The following KDM5A variants were observed in gnomAD, a reference collection of about 807,000 sequenced individuals.
The protein encoded by KDM5A is lysine-specific demethylase 5A.
KDM5A carries 42 observed loss-of-function variants against 193.5 expected under a neutral mutation model. The observed-to-expected ratio is 0.22, with a 90% CI of 0.17 to 0.28. The LOEUF (loss-of-function observed/expected upper bound fraction) is 0.28, where lower values mean the gene tolerates loss of function less well. KDM5A is among the 10% of genes least tolerant of loss of function. The probability of loss-of-function intolerance (pLI) is 1.00; values close to 1 mark genes in which losing one functional copy is unlikely to be tolerated. For missense variants in KDM5A, 1,692 were observed against 2,055.1 expected, an observed-to-expected ratio of 0.82 and a Z score of 3.42; for synonymous variants, 796 against 718.1, an observed-to-expected ratio of 1.11 and a Z score of -1.73.
chr12:384,069 C>T lies in KDM5A; in HGVS notation c.328G>A (p.Val110Ile), dbSNP rs1944610497. 1 of 1,613,642 alleles carries T rather than the reference C, an allele frequency of 6.2e-7. No homozygotes were observed. The highest frequency in any genetic ancestry group is 8.5e-7 in the Non-Finnish European group (1 of 1,179,546). The change falls in exon 3 of 28, where the codon GTA (valine) becomes ATA (isoleucine). Residue 110 changes from valine (V) to isoleucine (I), a missense_variant. Val to Ile is a conservative substitution (Grantham distance 29, BLOSUM62 3). Transcript: ENST00000399788. ...LQGSTLKIPV[V>I]ERKILDLYAL... ...TACAGATCCAGGATTTTTCTCTCTA[C>T]CACAGGGATCTTCAGAGTAGATCCT...
At position 339,866 on chromosome 12, in the gene KDM5A, A is replaced by G. The variant is rs1048736314; in HGVS notation, c.1309-5444T>C. Among the ~76,000 whole-genome samples, 73 of 149,540 alleles carry G rather than the reference A, an allele frequency of 4.9e-4. 1 individual carries two copies. The highest frequency in any genetic ancestry group is 1.6e-3 in the African/African-American group (66 of 40,494). ...AACCAATAAGATATTGCAGATATTA[A>G]GAAGTCTGATTTTTTTTTTTTTTTT... On this transcript the variant is annotated intron_variant, in intron 10 of 27. Transcript: ENST00000399788.
At position 334,360 on chromosome 12, in the gene KDM5A, T is replaced by C. The variant is rs774094806; in HGVS notation, c.1371A>G (p.Ala457=). 6.2e-7 allele frequency: 1 copy of C among 1,614,000 alleles called. No individual in the cohort carries two copies. The highest frequency in any genetic ancestry group is 1.1e-5 in the South Asian group (1 of 91,086). ...NMPVLEQSVL[A]HINVDISGMK... The stretch of plus-strand genomic sequence containing the variant: ...TACCAGAGATGTCCACATTAATATG[T>C]GCAAGAACAGACTGTTCCAGGACAG... Residue 457 remains alanine, a synonymous_variant, in exon 11 of 28, where the codon GCA becomes GCG. Coordinates refer to ENST00000399788, the MANE Select transcript of KDM5A (RefSeq NM_001042603.3).
intron 10 of KDM5A, among the ~76,000 whole-genome samples, chr12:335,097 G>C (rs1379809675): frequency 1.3e-5 from 2 of 152,090 alleles, no homozygotes; most frequent in African/African-American, 4.8e-5. Context: ...TAGAAATACT[G>C]GATAAATTAT....
intron 2 of KDM5A, among the ~76,000 whole-genome samples, chr12:384,784 TTC>T (rs1334094284): frequency 1.3e-5 from 2 of 152,224 alleles, no homozygotes; most frequent in Middle Eastern, 3.2e-3. Context: ...GTCTCTAACG[TTC>T]TGTCATTTCA....
At chr12:337,532 T>A (rs890248239) in intron 10 of KDM5A, among the ~76,000 whole-genome samples, 2 of 152,038 alleles carry the variant, frequency 1.3e-5, no homozygotes, top group African/African-American at 2.4e-5. Context: ...AAAGATGAGA[T>A]CTTTAATCTT....
rs200902311 is a variant in KDM5A at position 355,175 on chromosome 12, T to A, written c.853A>T (p.Thr285Ser). ...FNMQMRQRKG[T>S]LSVNFVDLYV... ...ACACTTACAAAGTTAACAGAGAGAG[T>A]GCCTTTCCGTTGTCTCATTTGCATG... is the stretch of plus-strand genomic sequence containing the variant. The change falls in exon 7 of 28, where the codon ACT becomes TCT. Residue 285 changes from threonine to serine, a missense_variant. Around this residue, in one of 11 missense-constraint regions of KDM5A, gnomAD observed 134 missense variants for 124.2 expected, o/e 1.08. Transcript: ENST00000399788. The A allele has an allele frequency of 3.7e-6, 6 of 1,605,112 alleles. No homozygotes were observed. The highest frequency in any genetic ancestry group is 5.1e-6 in the Non-Finnish European group (6 of 1,171,870).
At chr12:343,570 A>C (rs896062587) in intron 10 of KDM5A, among the ~76,000 whole-genome samples, 1 of 152,188 alleles carries the variant, frequency 6.6e-6, no homozygotes, top group Non-Finnish European at 1.5e-5. Flanking sequence ...AGGAAGCATC[A>C]AGCAGCAATA....
At position 280,157 on chromosome 12, in the gene KDM5A, T is replaced by G. The variant is rs1243279036; in HGVS notation, c.*5299A>C. On this transcript the variant is annotated 3_prime_UTR_variant, in exon 28 of 28. Transcript: ENST00000399788. ...AGAGAGTGAAATTCCAAAATCACTCTAGTTTATTCACATAATATAGTATTT... is the reference window on the plus strand; with the variant it reads ...AGAGAGTGAAATTCCAAAATCACTCGAGTTTATTCACATAATATAGTATTT... 1.7e-5 allele frequency: 4 copies of G among 231,898 alleles called. No individual in the cohort carries two copies. Among genetic ancestry groups the G allele is most frequent in the Non-Finnish European group, 3.4e-5 (4 of 117,270 alleles). 14.4% of individuals were successfully genotyped at this position (231,898 alleles called of 1,614,324 possible).
chr12:361,318 C>A (rs1471262156), intron 5 of KDM5A, among the ~76,000 whole-genome samples: 1 of 152,034 alleles, frequency 6.6e-6, no homozygotes. Context: ...CCTTAGCCTC[C>A]CGAGTAGCTG....
intron 10 of KDM5A, among the ~76,000 whole-genome samples, chr12:338,358 G>A (rs769442646): frequency 1.3e-5 from 2 of 152,100 alleles, no homozygotes; most frequent in African/African-American, 2.4e-5. Flanking sequence ...AACAGCCTTC[G>A]GCACTGAGTA....
intron 3 of KDM5A, among the ~76,000 whole-genome samples, chr12:378,655 G>T (rs988592046): frequency 9.9e-5 from 15 of 152,134 alleles, no homozygotes; most frequent in Non-Finnish European, 2.2e-4. Flanking sequence ...TGCTGAAGTG[G>T]TTATAAAAAC....
intron 3 of KDM5A, among the ~76,000 whole-genome samples, chr12:375,423 C>T (rs1320839471): frequency 1.3e-5 from 2 of 152,168 alleles, no homozygotes; most frequent in Non-Finnish European, 2.9e-5. Flanking sequence ...TTTTCAGCTC[C>T]ATCAGGTCAT....
At chr12:363,212 T>G in intron 4 of KDM5A, 115 bp from the exon 5 acceptor site, 1 of 1,222,152 alleles carries the variant, frequency 8.2e-7, no homozygotes, top group South Asian at 1.3e-5. Context: ...CGCAATTATT[T>G]CTCAAACTGA....
chr12:330,085 G>GTGTA (rs377271333), intron 13 of KDM5A, among the ~76,000 whole-genome samples: 127 of 139,372 alleles, frequency 9.1e-4, no homozygotes, highest in Middle Eastern at 3.6e-3. Flanking sequence ...GTGTGTGTGT[G>GTGTA]TATATATATA....
At chr12:320,683 T>G (rs996731011) in intron 18 of KDM5A, among the ~76,000 whole-genome samples, 8 of 152,212 alleles carry the variant, frequency 5.3e-5, no homozygotes, top group Non-Finnish European at 1.0e-4. Flanking sequence ...TTATTAACAC[T>G]GATACATGCA....
At chr12:321,474 A>AG (rs1402746854) in intron 17 of KDM5A, among the ~76,000 whole-genome samples, 3 of 152,232 alleles carry the variant, frequency 2.0e-5, no homozygotes, top group East Asian at 3.8e-4. Flanking sequence ...AAGTGCTTCA[A>AG]AATTTTGTGT....
chr12:328,954 T>G lies in KDM5A; in HGVS notation c.1849A>C (p.Ile617Leu). The G allele has an allele frequency of 6.2e-7, 1 of 1,614,230 alleles. No individual in the cohort carries two copies. The highest frequency in any genetic ancestry group is 8.5e-7 in the Non-Finnish European group (1 of 1,180,036). ...TCTGGATCTGCTGCCATCTTGAAAA[T>G]TAGTTCCTCGTGTGAAAAGACACAG... ...RHCVFSHEEL[I>L]FKMAADPECL... is the part of the protein sequence containing the mutation. The change falls in exon 14 of 28, where the codon ATT (isoleucine) becomes CTT (leucine). Residue 617 changes from isoleucine to leucine, a missense_variant. Ile to Leu is a conservative substitution (Grantham distance 5). Transcript: ENST00000399788.
chr12:301,406 A>G (rs1943439633), intron 24 of KDM5A, among the ~76,000 whole-genome samples: 2 of 152,214 alleles, frequency 1.3e-5, no homozygotes, highest in South Asian at 4.1e-4. Flanking sequence ...TCCATCACAT[A>G]AACAGAACCA....
chr12:301,427 C>T (rs1286998714), intron 24 of KDM5A, among the ~76,000 whole-genome samples: 1 of 152,120 alleles, frequency 6.6e-6, no homozygotes, highest in Non-Finnish European at 1.5e-5. Flanking sequence ...ATGATAAAAA[C>T]CACATGATTA....
Sources: allele counts gnomAD v4.1 joint callset (sites outside exome capture counted in the v4.1 genomes callset), GRCh38; gene constraint gnomAD v4.1.1; regional missense constraint gnomAD v4.1.1; transcripts MANE v1.5; gene names NCBI Gene and HGNC (gene_info 2026-07-23, HGNC 2026-07-21).